The following LITAF variants were observed in gnomAD, a reference collection of about 807,000 sequenced individuals.
The protein encoded by LITAF is lipopolysaccharide-induced tumor necrosis factor-alpha factor.
LITAF carries 9 observed loss-of-function variants against 14.5 expected under a neutral mutation model. The ratio of observed to expected loss-of-function variants is 0.62; its 90% CI spans 0.37 to 1.08. LITAF has a LOEUF of 1.08. Among genes scored for constraint, LITAF ranks in the 50% least tolerant of loss-of-function variants. The pLI is 0.01. For synonymous variants in LITAF, 98 were observed against 88.2 expected (o/e 1.11, Z -0.62); for missense variants, 206 against 213.4 (o/e 0.97, Z 0.22).
intron 1 of LITAF, among the ~76,000 whole-genome samples, chr16:11,578,631 C>G (rs1012034987): frequency 6.6e-6 from 1 of 152,334 alleles, no homozygotes; most frequent in Middle Eastern, 3.4e-3. Flanking sequence ...ATACTTTACT[C>G]TCTCCCTTGA....
At chr16:11,630,623 G>C (rs2141906405) in intron 3 of LITAF, among the ~76,000 whole-genome samples, 1 of 144,278 alleles carries the variant, frequency 6.9e-6, no homozygotes, top group South Asian at 2.2e-4. Context: ...CTGTCACCTA[G>C]GCTGGAGTGC....
At chr16:11,564,937 A>C (rs1196854180) in intron 1 of LITAF, among the ~76,000 whole-genome samples, 1 of 151,730 alleles carries the variant, frequency 6.6e-6, no homozygotes, top group African/African-American at 2.4e-5. Flanking sequence ...GGATGATGAA[A>C]ATGTTCTGGA....
At chr16:11,606,518 G>A (rs1322467850) in intron 3 of LITAF, among the ~76,000 whole-genome samples, 1 of 152,096 alleles carries the variant, frequency 6.6e-6, no homozygotes, top group African/African-American at 2.4e-5. Context: ...TGATAAGAAA[G>A]TGAAACAGGC....
At chr16:11,585,083 C>G (rs981970547) in intron 1 of LITAF, among the ~76,000 whole-genome samples, 37 of 151,982 alleles carry the variant, frequency 2.4e-4, no homozygotes, top group African/African-American at 8.7e-4. Flanking sequence ...TGGCACCCAA[C>G]TGTAATCCCC....
At chr16:11,599,466 A>C (rs1351512011), upstream of LITAF, among the ~76,000 whole-genome samples, 3 of 152,016 alleles carry the variant, frequency 2.0e-5, no homozygotes, top group Non-Finnish European at 4.4e-5. Context: ...CCCAAAACAA[A>C]ACCCTGCAAG....
chr16:11,617,403 A>G (rs1333480744), intron 3 of LITAF, among the ~76,000 whole-genome samples: 6 of 149,558 alleles, frequency 4.0e-5, no homozygotes, highest in African/African-American at 1.5e-4. Flanking sequence ...AGTCCCAGCA[A>G]TATATCAATA....
rs1455766240 is a variant in LITAF, at chr16:11,634,230, G to A, written c.-20-593C>T. 1.3e-5 allele frequency among the ~76,000 whole-genome samples: 2 copies of A among 152,160 alleles called. No homozygotes were observed. Among genetic ancestry groups the A allele is most frequent in the African/African-American group, 2.4e-5 (1 of 41,432 alleles). ...ACCTGATCTAACCAACCCCCATCTT[G>A]CCTTTCACCTCCAAACTGCTCTTCA... On this transcript the variant is annotated intron_variant, in intron 2 of 3. Coordinates refer to the LITAF transcript ENST00000574848. This position sits in a 1 kb window ranked among gnomAD's most constrained non-coding sequence, Gnocchi z 4.1.
At chr16:11,639,236 G>A (rs938111631), upstream of LITAF, among the ~76,000 whole-genome samples, 3 of 152,000 alleles carry the variant, frequency 2.0e-5, no homozygotes, top group African/African-American at 7.3e-5. Flanking sequence ...GAGAGGGATG[G>A]ATGGATAAAT....
At chr16:11,582,280 A>G (rs2064749487) in intron 1 of LITAF, among the ~76,000 whole-genome samples, 1 of 151,398 alleles carries the variant, frequency 6.6e-6, no homozygotes, top group Non-Finnish European at 1.5e-5. Context: ...TTTGAAAACA[A>G]GAGCAAGATA....
chr16:11,585,565 A>G (rs1449160748), intron 1 of LITAF, among the ~76,000 whole-genome samples: 3 of 152,168 alleles, frequency 2.0e-5, no homozygotes, highest in Non-Finnish European at 4.4e-5. Context: ...ACACTGGTGG[A>G]ATTCCAGATA....
chr16:11,565,793 C>A (rs1222921270), intron 1 of LITAF, among the ~76,000 whole-genome samples: 1 of 139,546 alleles, frequency 7.2e-6, no homozygotes, highest in East Asian at 2.1e-4. Flanking sequence ...CGTCTGCCTC[C>A]TTCCTGATGG....
intron 1 of LITAF, among the ~76,000 whole-genome samples, chr16:11,557,035 C>G (rs1028187869): frequency 6.6e-6 from 1 of 151,776 alleles, no homozygotes; most frequent in Non-Finnish European, 1.5e-5. Context: ...GACCTACGTA[C>G]CTTCCATATC....
intron 1 of LITAF, among the ~76,000 whole-genome samples, chr16:11,571,418 A>G (rs2064539878): frequency 6.6e-6 from 1 of 152,198 alleles, no homozygotes; most frequent in Non-Finnish European, 1.5e-5. Flanking sequence ...AGGCTCCAGA[A>G]CTGGAAGATA....
chr16:11,616,020 A>G (rs771786770), intron 3 of LITAF, among the ~76,000 whole-genome samples: 1 of 152,116 alleles, frequency 6.6e-6, no homozygotes, highest in Non-Finnish European at 1.5e-5. Flanking sequence ...CTTGATAAGA[A>G]CCACTAGATA....
chr16:11,548,422 C>T lies in LITAF; in HGVS notation c.*1215G>A, dbSNP rs575378733. The T allele has an allele frequency of 3.5e-5, 16 of 453,930 alleles. No homozygotes were observed. Among genetic ancestry groups the T allele is most frequent in the South Asian group, 9.3e-5 (6 of 64,470 alleles). 28.1% of individuals were successfully genotyped at this position (453,930 alleles called of 1,614,324 possible). ...GAAACAGTTCTGGTTCCCAAGCATC[C>T]GCACCATGGTACCCAGACATGCTCA... On this transcript the variant is annotated 3_prime_UTR_variant, in exon 4 of 4. Transcript: ENST00000622633.
intron 1 of LITAF, among the ~76,000 whole-genome samples, chr16:11,580,669 T>C (rs12446514): frequency 0.16 from 24,831 of 152,176 alleles, 2,139 homozygotes; most frequent in South Asian, 0.23. Context: ...GCTTTTTATC[T>C]GCATTAACAA....
chr16:11,625,934 GA>G (rs2065080934), intron 3 of LITAF, among the ~76,000 whole-genome samples: 3 of 152,102 alleles, frequency 2.0e-5, no homozygotes, highest in African/African-American at 7.2e-5. Flanking sequence ...TGCCCATGAG[GA>G]AATGGAAGCA....
At chr16:11,568,147 G>T (rs891793075) in intron 1 of LITAF, among the ~76,000 whole-genome samples, 11 of 151,960 alleles carry the variant, frequency 7.2e-5, no homozygotes, top group Non-Finnish European at 1.3e-4. Flanking sequence ...AATTAGCCAG[G>T]AGTGGTGGTA....
chr16:11,598,913 G>A (rs1435077301), upstream of LITAF, among the ~76,000 whole-genome samples: 5 of 151,786 alleles, frequency 3.3e-5, no homozygotes, highest in East Asian at 1.9e-4. Context: ...TCCACCTCCC[G>A]GGTTCAAGCG....
Sources: gnomAD v4.1 joint callset for allele counts (sites outside exome capture counted in the v4.1 genomes callset) on GRCh38, gnomAD v4.1.1 for gene constraint, Gnocchi (gnomAD v3.1) non-coding constraint, MANE v1.5 for transcripts, NCBI Gene and HGNC (gene_info 2026-07-23, HGNC 2026-07-21) for gene names.